RALYL: variants seen among roughly 807,000 people sequenced by gnomAD.
RALYL encodes the protein RALY RNA binding protein like.
In RALYL, 29 loss-of-function variants were observed where a neutral mutation model predicts 35.1. The ratio of observed to expected loss-of-function variants is 0.83; its 90% CI spans 0.61 to 1.13. The LOEUF is 1.13. Ranked by LOEUF, RALYL falls within the 50% of genes most tolerant of loss-of-function variation. RALYL has a pLI of 0.00. For missense variants in RALYL, 359 were observed against 360.4 expected (o/e 1.00, Z 0.03); for synonymous variants, 120 against 127.6 (o/e 0.94, Z 0.40).
chr8:84,188,570 A>G (rs1404710368), intron 1 of RALYL, among the ~76,000 whole-genome samples: 2 of 152,148 alleles, frequency 1.3e-5, no homozygotes, highest in African/African-American at 4.8e-5. Context: ...TTTATTGGCA[A>G]TAACAACAGT....
chr8:84,471,236 AG>A (rs1405036284), intron 1 of RALYL, among the ~76,000 whole-genome samples: 11 of 152,290 alleles, frequency 7.2e-5, no homozygotes, highest in African/African-American at 1.9e-4. Context: ...AGAGAAATGC[AG>A]GTTTTTAAAA....
chr8:84,395,885 T>G (rs1380497195), intron 1 of RALYL, among the ~76,000 whole-genome samples: 1 of 152,000 alleles, frequency 6.6e-6, no homozygotes, highest in Non-Finnish European at 1.5e-5. Context: ...TATTATAATC[T>G]TTATTTATAA....
At chr8:84,836,770 T>C (rs1189969986) in intron 4 of RALYL, among the ~76,000 whole-genome samples, 1 of 152,224 alleles carries the variant, frequency 6.6e-6, no homozygotes, top group African/African-American at 2.4e-5. Context: ...ACCTCTGATT[T>C]CACCTTATCC....
intron 2 of RALYL, among the ~76,000 whole-genome samples, chr8:84,701,430 G>A (rs564159626): frequency 5.3e-5 from 8 of 152,110 alleles, no homozygotes; most frequent in East Asian, 1.9e-4. Flanking sequence ...TCTCTGAAAC[G>A]GAACCATCAT....
At chr8:84,344,829 A>G (rs746319219) in intron 1 of RALYL, among the ~76,000 whole-genome samples, 20 of 152,046 alleles carry the variant, frequency 1.3e-4, no homozygotes, top group Admixed American at 3.9e-4. Context: ...TTCACTCAAC[A>G]TAATGTCTTC....
chr8:84,579,378 C>A (rs998464825), intron 2 of RALYL, among the ~76,000 whole-genome samples: 2 of 152,178 alleles, frequency 1.3e-5, no homozygotes, highest in Non-Finnish European at 2.9e-5. Flanking sequence ...GTGCAGGGAT[C>A]CCTGGTCCAG....
chr8:84,473,214 G>A (rs944288716), intron 1 of RALYL, among the ~76,000 whole-genome samples: 63 of 151,772 alleles, frequency 4.2e-4, no homozygotes, highest in Non-Finnish European at 1.8e-4. Context: ...CATTCTTAAC[G>A]ACTCTAATTT....
chr8:84,389,177 G>T (rs1035441587), intron 1 of RALYL, among the ~76,000 whole-genome samples: 1 of 151,910 alleles, frequency 6.6e-6, no homozygotes, highest in African/African-American at 2.4e-5. Context: ...ATTTCTGAGG[G>T]CTCTGTTCTG....
intron 6 of RALYL, among the ~76,000 whole-genome samples, chr8:84,867,758 C>A (rs1212825681): frequency 6.6e-6 from 1 of 152,108 alleles, no homozygotes; most frequent in Non-Finnish European, 1.5e-5. Context: ...ACTAATTTAT[C>A]TTTTTTCTTT....
chr8:84,663,879 G>A (rs1016770108), intron 2 of RALYL, among the ~76,000 whole-genome samples: 1 of 152,048 alleles, frequency 6.6e-6, no homozygotes, highest in Non-Finnish European at 1.5e-5. Context: ...TCTTCATCAT[G>A]AAATCTTTGC....
chr8:84,846,410 G>A (rs1287613697), intron 4 of RALYL, among the ~76,000 whole-genome samples: 1 of 152,098 alleles, frequency 6.6e-6, no homozygotes, highest in Admixed American at 6.6e-5. Flanking sequence ...TTGTGAATGG[G>A]ATTGCATTCT....
intron 1 of RALYL, among the ~76,000 whole-genome samples, chr8:84,246,416 G>A (rs1276082880): frequency 1.3e-5 from 2 of 152,122 alleles, no homozygotes; most frequent in Admixed American, 6.6e-5. Flanking sequence ...GATTTTCAAG[G>A]AAGAAACTTA....
chr8:84,473,345 T>C (rs182743382), intron 1 of RALYL, among the ~76,000 whole-genome samples: 377 of 151,554 alleles, frequency 2.5e-3, no homozygotes, highest in African/African-American at 7.7e-3. Context: ...ATTGATTTAT[T>C]AGATTTAATA....
intron 2 of RALYL, among the ~76,000 whole-genome samples, chr8:84,694,076 T>C (rs1318690086): frequency 6.6e-6 from 1 of 151,854 alleles, no homozygotes; most frequent in Non-Finnish European, 1.5e-5. Context: ...CTCTCTCCAC[T>C]TCTATGCAAC....
At chr8:84,330,420 C>A (rs999868449) in intron 1 of RALYL, among the ~76,000 whole-genome samples, 13 of 151,858 alleles carry the variant, frequency 8.6e-5, no homozygotes, top group African/African-American at 3.1e-4. Context: ...CATAAAGATT[C>A]ATGCATAAAT....
At chr8:84,677,264 T>C (rs1488516714) in intron 2 of RALYL, among the ~76,000 whole-genome samples, 1 of 152,240 alleles carries the variant, frequency 6.6e-6, no homozygotes, top group African/African-American at 2.4e-5. Flanking sequence ...ATTAGCCTTT[T>C]ATTAAATAGA....
intron 1 of RALYL, among the ~76,000 whole-genome samples, chr8:84,415,842 A>G (rs2044642029): frequency 6.6e-6 from 1 of 152,202 alleles, no homozygotes; most frequent in Non-Finnish European, 1.5e-5. Context: ...AAATGCACTG[A>G]TTCTCTAATA....
intron 6 of RALYL, among the ~76,000 whole-genome samples, chr8:84,868,709 T>TA (rs1360636688): frequency 6.6e-6 from 1 of 152,084 alleles, no homozygotes; most frequent in Non-Finnish European, 1.5e-5. Context: ...ATTTTCTTTC[T>TA]AAAAAATATA....
intron 2 of RALYL, among the ~76,000 whole-genome samples, chr8:84,728,161 C>G (rs1422438800): frequency 6.6e-6 from 1 of 151,514 alleles, no homozygotes; most frequent in Non-Finnish European, 1.5e-5. Flanking sequence ...TTAATGATTG[C>G]CATTCTAACT....
Sources: allele counts gnomAD v4.1 joint callset (sites outside exome capture counted in the v4.1 genomes callset), GRCh38; gene constraint gnomAD v4.1.1; transcripts MANE v1.5; gene names NCBI Gene and HGNC (gene_info 2026-07-23, HGNC 2026-07-21).